The following COG5 variants were observed in gnomAD, a reference collection of about 807,000 sequenced individuals.
The protein encoded by COG5 is conserved oligomeric Golgi complex subunit 5.
A neutral mutation model predicts 110.4 loss-of-function variants in COG5; 86 were observed. The observed-to-expected ratio is 0.78, with a 90% CI of 0.65 to 0.93. The LOEUF (loss-of-function observed/expected upper bound fraction) is 0.93. Among genes scored for constraint, COG5 ranks in the 40% least tolerant of loss-of-function variants. The probability of loss-of-function intolerance (pLI) is 0.00; values close to 1 mark genes in which losing one functional copy is unlikely to be tolerated. For synonymous variants in COG5, 360 were observed against 334.6 expected (o/e 1.08, Z -0.83); for missense variants, 1,077 against 987.0 (o/e 1.09, Z -1.22).
intron 10 of COG5, among the ~76,000 whole-genome samples, chr7:107,353,424 C>CAAAAAAA (rs1169669994): frequency 2.5e-4 from 21 of 83,828 alleles, no homozygotes; most frequent in Non-Finnish European, 4.0e-4. Flanking sequence ...GACTCCGTCT[C>CAAAAAAA]AAAAAAAAAA....
At chr7:107,417,562 G>C (rs768681736) in intron 6 of COG5, among the ~76,000 whole-genome samples, 1 of 152,052 alleles carries the variant, frequency 6.6e-6, no homozygotes, top group Admixed American at 6.5e-5. Context: ...TCTTGGGAGA[G>C]AATCAAAGAC....
In COG5 at chr7:107,215,405, C is replaced by T. The variant is rs531963508; in HGVS notation, c.2169-4180G>A. On this transcript the variant is annotated intron_variant, in intron 19 of 21. Coordinates refer to ENST00000297135, the MANE Select transcript of COG5 (RefSeq NM_006348.5). Reference sequence around the variant, plus strand: ...CCAGCTGGCTGGGTGTGGTGGCTCACGCCTGTAATCCCAGCACTTTGGGAG... The same window carrying T: ...CCAGCTGGCTGGGTGTGGTGGCTCATGCCTGTAATCCCAGCACTTTGGGAG... Among the ~76,000 whole-genome samples the T allele has an allele frequency of 2.0e-3, 299 of 152,214 alleles. 1 individual carries two copies. The highest frequency in any genetic ancestry group is 6.8e-3 in the African/African-American group (281 of 41,542).
intron 10 of COG5, among the ~76,000 whole-genome samples, chr7:107,339,853 G>T (rs549520318): frequency 6.6e-6 from 1 of 152,070 alleles, no homozygotes; most frequent in South Asian, 2.1e-4. Context: ...TCTCTGTGAT[G>T]CAGCAAAAGC....
At chr7:107,347,066 C>G (rs944058512) in intron 10 of COG5, among the ~76,000 whole-genome samples, 1 of 151,486 alleles carries the variant, frequency 6.6e-6, no homozygotes, top group African/African-American at 2.4e-5. Context: ...TATTATATAC[C>G]CAAGCAATGA....
chr7:107,519,127 A>T (rs549954579), intron 6 of COG5, among the ~76,000 whole-genome samples: 2 of 152,292 alleles, frequency 1.3e-5, no homozygotes, highest in South Asian at 4.2e-4. Context: ...AACATACCAG[A>T]ATCTCTGGGA....
chr7:107,348,949 A>G (rs1413318483), intron 10 of COG5, among the ~76,000 whole-genome samples: 1 of 151,814 alleles, frequency 6.6e-6, no homozygotes, highest in Non-Finnish European at 1.5e-5. Context: ...GCAGACTCGA[A>G]CTCCTGGGCT....
At chr7:107,442,103 G>A (rs1424624010) in intron 6 of COG5, among the ~76,000 whole-genome samples, 2 of 152,202 alleles carry the variant, frequency 1.3e-5, no homozygotes, top group Non-Finnish European at 2.9e-5. Flanking sequence ...TGTTGGAGGA[G>A]GGGCCTGGTG....
intron 11 of COG5, among the ~76,000 whole-genome samples, chr7:107,301,602 T>C (rs939080412): frequency 2.6e-5 from 4 of 152,110 alleles, no homozygotes; most frequent in Admixed American, 6.6e-5. Context: ...CCGAACACAG[T>C]GGCTTGTGTA....
intron 7 of COG5, among the ~76,000 whole-genome samples, chr7:107,393,619 T>C (rs573684814): frequency 4.6e-5 from 7 of 152,346 alleles, no homozygotes; most frequent in African/African-American, 1.4e-4. Context: ...ACTCCCATTC[T>C]GTACTCCCTC....
intron 5 of COG5, among the ~76,000 whole-genome samples, chr7:107,543,050 C>A (rs181250493): frequency 5.3e-5 from 8 of 150,886 alleles, no homozygotes; most frequent in Admixed American, 4.0e-4. Flanking sequence ...GGTATTAAAG[C>A]ATAATTTTTA....
chr7:107,427,775 C>A (rs910117939), intron 6 of COG5, among the ~76,000 whole-genome samples: 1 of 152,076 alleles, frequency 6.6e-6, no homozygotes, highest in Non-Finnish European at 1.5e-5. Flanking sequence ...AGCTCATACA[C>A]ACATTCAGCA....
chr7:107,355,677 C>T (rs1297536269), intron 10 of COG5, among the ~76,000 whole-genome samples: 1 of 152,160 alleles, frequency 6.6e-6, no homozygotes, highest in Non-Finnish European at 1.5e-5. Flanking sequence ...TCAGAAAAGG[C>T]AACTTACTGT....
At chr7:107,543,519 T>G (rs1180739837) in intron 5 of COG5, among the ~76,000 whole-genome samples, 1 of 152,020 alleles carries the variant, frequency 6.6e-6, no homozygotes, top group African/African-American at 2.4e-5. Flanking sequence ...AGACCAGCCC[T>G]CGGCTTCAGG....
At chr7:107,448,158 AAATAAT>A (rs1003590167) in intron 6 of COG5, among the ~76,000 whole-genome samples, 1 of 152,104 alleles carries the variant, frequency 6.6e-6, no homozygotes, top group African/African-American at 2.4e-5. Context: ...TCTGTCTCAA[AAATAAT>A]AATAATATTC....
intron 7 of COG5, among the ~76,000 whole-genome samples, chr7:107,390,206 T>C (rs1790517296): frequency 6.6e-6 from 1 of 152,180 alleles, no homozygotes; most frequent in African/African-American, 2.4e-5. Flanking sequence ...GATTCAGAGT[T>C]ACGCTTATGG....
At chr7:107,398,759 A>C (rs1563010672) in intron 7 of COG5, among the ~76,000 whole-genome samples, 1 of 152,246 alleles carries the variant, frequency 6.6e-6, no homozygotes, top group African/African-American at 2.4e-5. Context: ...AAAACTAAGA[A>C]GACAGAAATT....
At chr7:107,472,304 T>TA (rs1331096165) in intron 6 of COG5, 2 of 151,940 alleles carry the variant, frequency 1.3e-5, no homozygotes, top group African/African-American at 4.8e-5. Context: ...TGTTGTCAGG[T>TA]AAAAATTCAT....
chr7:107,472,003 A>T (rs1343000712), intron 6 of COG5: 1 of 152,052 alleles, frequency 6.6e-6, no homozygotes, highest in East Asian at 1.9e-4. Context: ...TAACAAAAGG[A>T]TGTCTAAATA....
At chr7:107,557,162 A>C (rs1473384881) in intron 2 of COG5, among the ~76,000 whole-genome samples, 1 of 152,218 alleles carries the variant, frequency 6.6e-6, no homozygotes, top group Admixed American at 6.5e-5. Flanking sequence ...AAGGCATCCC[A>C]GTCCTATCTA....
Sources: gnomAD v4.1 joint callset for allele counts (sites outside exome capture counted in the v4.1 genomes callset) on GRCh38, gnomAD v4.1.1 for gene constraint, MANE v1.5 for transcripts, NCBI Gene and HGNC (gene_info 2026-07-23, HGNC 2026-07-21) for gene names.